The following SCN9A variants were observed in gnomAD, a reference collection of about 807,000 sequenced individuals.
SCN9A encodes sodium voltage-gated channel alpha subunit 9.
SCN9A carries 131 observed loss-of-function variants against 187.0 expected under a neutral mutation model. That is an observed-to-expected ratio of 0.70 (90% CI 0.61 to 0.81). The LOEUF (loss-of-function observed/expected upper bound fraction) is 0.81, where lower values mean the gene tolerates loss of function less well. Among genes scored for constraint, SCN9A ranks in the 30% least tolerant of loss-of-function variants. The probability of loss-of-function intolerance (pLI) is 0.00; values close to 1 mark genes in which losing one functional copy is unlikely to be tolerated. For missense variants in SCN9A, 2,252 were observed against 2,396.6 expected (o/e 0.94, Z 1.26); for synonymous variants, 809 against 808.6 (o/e 1.00, Z -0.01).
Position 166,196,657 on chromosome 2 carries a change from T to C in SCN9A, c.*2015A>G, listed in dbSNP as rs201539480. 2 of 152,164 alleles carry C rather than the reference T, an allele frequency of 1.3e-5. No homozygotes were observed. Among genetic ancestry groups the C allele is most frequent in the African/African-American group, 4.8e-5 (2 of 41,470 alleles). The allele number at this position is 152,164 out of a possible 1,614,324, so 9.4% of individuals were successfully genotyped here. ...TAATTGAATGTATTTAAAAATCTGA[T>C]AAATGTAATATATTTTGTATAGGTC... On this transcript the variant is annotated 3_prime_UTR_variant, in exon 27 of 27. Coordinates refer to ENST00000642356, the MANE Select transcript of SCN9A (RefSeq NM_001365536.1).
intron 14 of SCN9A, among the ~76,000 whole-genome samples, chr2:166,278,722 T>C (rs766237075): frequency 1.7e-4 from 26 of 152,188 alleles, no homozygotes; most frequent in Non-Finnish European, 3.2e-4. Flanking sequence ...TTTTCTGATC[T>C]GACTACTGTT....
chr2:166,266,522 C>T (rs563616036), intron 17 of SCN9A, among the ~76,000 whole-genome samples: 77 of 147,278 alleles, frequency 5.2e-4, no homozygotes, highest in Non-Finnish European at 1.0e-3. Context: ...TCTTTTTGTT[C>T]CAGGTTACTT....
chr2:166,313,333 T>C (rs1460756597), intron 1 of SCN9A, among the ~76,000 whole-genome samples: 1 of 152,158 alleles, frequency 6.6e-6, no homozygotes, highest in Non-Finnish European at 1.5e-5. Flanking sequence ...TATATTCTTC[T>C]AGTAGAAGGC....
At chr2:166,294,933 G>T (rs1323333259) in intron 7 of SCN9A, among the ~76,000 whole-genome samples, 1 of 152,084 alleles carries the variant, frequency 6.6e-6, no homozygotes, top group African/African-American at 2.4e-5. Flanking sequence ...TGAGGGTGGA[G>T]GTTGTGGTTG....
At chr2:166,250,334 C>T (rs1014783481) in intron 18 of SCN9A, among the ~76,000 whole-genome samples, 4 of 152,018 alleles carry the variant, frequency 2.6e-5, no homozygotes, top group Non-Finnish European at 5.9e-5. Flanking sequence ...TTAACAGAAT[C>T]CTTGAAGAAT....
chr2:166,368,625 C>T (rs935889493), intron 1 of SCN9A, among the ~76,000 whole-genome samples: 6 of 143,656 alleles, frequency 4.2e-5, no homozygotes, highest in Admixed American at 1.4e-4. Flanking sequence ...AGAGTGAAAC[C>T]GGCACACCTT....
intron 1 of SCN9A, among the ~76,000 whole-genome samples, chr2:166,364,050 A>G (rs116451742): frequency 0.011 from 1,730 of 152,136 alleles, 35 homozygotes; most frequent in African/African-American, 0.04. Flanking sequence ...CATTTTTCCA[A>G]AGAAAGTCAA....
At position 166,196,277 on chromosome 2, in the gene SCN9A, A is replaced by G. The variant is rs1244174947; in HGVS notation, c.*2395T>C. The G allele has an allele frequency of 6.6e-6, 1 of 152,158 alleles. No homozygotes were observed. Among genetic ancestry groups the G allele is most frequent in the Non-Finnish European group, 1.5e-5 (1 of 68,038 alleles). 9.4% of individuals were successfully genotyped at this position (152,158 alleles called of 1,614,324 possible). A position where few individuals can be genotyped will look rare whatever the true frequency, so the allele number is the denominator to read the frequency against. ...ATACTTAATAAGCTCTTTCTTCCAA[A>G]TATTATTTTTAATTGATAAAAAGTC... On this transcript the variant is annotated 3_prime_UTR_variant, in exon 27 of 27. Transcript: ENST00000642356.
At position 166,277,210 on chromosome 2, in the gene SCN9A, C is replaced by G; in HGVS notation, c.2647G>C (p.Val883Leu). The part of the protein sequence containing the change: ...LAIIVFIFAV[V>L]GMQLFGKSYK... ...CTCTTACCAAAGAGCTGCATGCCGA[C>G]CACAGCAAAAATGAAGACGATGATG... is the stretch of plus-strand genomic sequence containing the variant. The change falls in exon 16 of 27, where the codon GTC becomes CTC. Residue 883 changes from valine (V) to leucine (L), a missense_variant. Physicochemically the swap from Val to Leu is conservative, Grantham distance 32 (BLOSUM62 1). Transcript: ENST00000642356. 1 of 1,614,072 alleles carries G rather than the reference C, an allele frequency of 6.2e-7. No homozygotes were observed. The highest frequency in any genetic ancestry group is 8.5e-7 in the Non-Finnish European group (1 of 1,179,994).
intron 17 of SCN9A, among the ~76,000 whole-genome samples, chr2:166,270,217 T>C (rs574806440): frequency 9.9e-5 from 15 of 152,024 alleles, no homozygotes; most frequent in African/African-American, 3.4e-4. Flanking sequence ...AAAATAAATA[T>C]AAAAATACAA....
intron 1 of SCN9A, among the ~76,000 whole-genome samples, chr2:166,316,860 C>A (rs1699122925): frequency 6.6e-6 from 1 of 151,936 alleles, no homozygotes; most frequent in South Asian, 2.1e-4. Context: ...ATATTTACTA[C>A]AATATTTTTA....
chr2:166,285,891 T>C (rs559563593), intron 11 of SCN9A, among the ~76,000 whole-genome samples: 1 of 152,240 alleles, frequency 6.6e-6, no homozygotes, highest in African/African-American at 2.4e-5. Context: ...GGGTGGAGGA[T>C]ATCAAAGGCT....
intron 1 of SCN9A, among the ~76,000 whole-genome samples, chr2:166,347,413 C>T (rs1195918768): frequency 1.3e-5 from 2 of 152,136 alleles, no homozygotes; most frequent in Non-Finnish European, 2.9e-5. Context: ...TCTTAGAAAG[C>T]TCTTGACACC....
intron 24 of SCN9A, among the ~76,000 whole-genome samples, chr2:166,224,984 C>A (rs1694784286): frequency 6.6e-6 from 1 of 152,078 alleles, no homozygotes; most frequent in Non-Finnish European, 1.5e-5. Flanking sequence ...ATCATGGAGT[C>A]TTAATAAACA....
chr2:166,340,484 TC>T (rs1293154335), intron 1 of SCN9A, among the ~76,000 whole-genome samples: 55 of 151,374 alleles, frequency 3.6e-4, no homozygotes, highest in African/African-American at 7.5e-4. Context: ...TCTTTCTCTT[TC>T]TTTTTTTCTT....
chr2:166,253,782 G>T (rs1296024277), intron 17 of SCN9A, among the ~76,000 whole-genome samples: 2 of 151,700 alleles, frequency 1.3e-5, no homozygotes, highest in African/African-American at 2.4e-5. Context: ...TATTGGCCTG[G>T]GTTTTGAGGT....
intron 1 of SCN9A, among the ~76,000 whole-genome samples, chr2:166,329,022 A>G (rs964116680): frequency 3.9e-5 from 6 of 152,218 alleles, no homozygotes; most frequent in African/African-American, 1.4e-4. Context: ...TAGTATAAAA[A>G]TTATTTTTTT....
chr2:166,360,320 G>A (rs962473970), intron 1 of SCN9A, among the ~76,000 whole-genome samples: 1 of 151,026 alleles, frequency 6.6e-6, no homozygotes, highest in African/African-American at 2.4e-5. Context: ...AACATTTGCT[G>A]GCATATCTGA....
rs1257294304 is a variant in SCN9A, at chr2:166,284,910, C to T, written c.1603-86G>A. ...TATAAATACCACTGAACCCACTGGCCTGAGGGCAGGTGGCTCTGTACTGAC... is the reference window on the plus strand; with the variant it reads ...TATAAATACCACTGAACCCACTGGCTTGAGGGCAGGTGGCTCTGTACTGAC... On this transcript the variant is annotated intron_variant, in intron 11 of 26. Coordinates refer to ENST00000642356, the MANE Select transcript of SCN9A (RefSeq NM_001365536.1). 4.3e-6 allele frequency: 6 copies of T among 1,400,848 alleles called. No homozygotes were observed. In the African/African-American group the frequency reaches 5.8e-5, roughly 13 times the overall value. The allele number at this position is 1,400,848 out of a possible 1,614,324, so 86.8% of individuals were successfully genotyped here.
Sources: gnomAD v4.1 joint callset for allele counts (sites outside exome capture counted in the v4.1 genomes callset) on GRCh38, gnomAD v4.1.1 for gene constraint, MANE v1.5 for transcripts, NCBI Gene and HGNC (gene_info 2026-07-23, HGNC 2026-07-21) for gene names.